The following HIVEP3 variants were observed in gnomAD, a reference collection of about 807,000 sequenced individuals.
HIVEP3 encodes HIVEP zinc finger 3, also known as transcription factor HIVEP3.
HIVEP3 carries 49 observed loss-of-function variants against 152.8 expected under a neutral mutation model. The observed-to-expected ratio is 0.32, with a 90% CI of 0.26 to 0.41. The LOEUF is 0.41. Ranked by LOEUF, HIVEP3 falls within the 10% of genes least tolerant of loss-of-function variation. The probability of loss-of-function intolerance (pLI) is 1.00; values close to 1 mark genes in which losing one functional copy is unlikely to be tolerated. For missense variants in HIVEP3, 2,790 were observed against 3,103.3 expected (o/e 0.90, Z 2.40); for synonymous variants, 1,269 against 1,289.0 (o/e 0.98, Z 0.33).
chr1:41,989,333 C>T (rs1181691617), intron 1 of HIVEP3, among the ~76,000 whole-genome samples: 1 of 151,942 alleles, frequency 6.6e-6, no homozygotes, highest in South Asian at 2.1e-4. Flanking sequence ...TCATACTGTA[C>T]ATCATAAATA....
intron 1 of HIVEP3, among the ~76,000 whole-genome samples, chr1:42,014,487 C>T (rs1467245967): frequency 6.6e-6 from 1 of 152,026 alleles, no homozygotes; most frequent in Non-Finnish European, 1.5e-5. Flanking sequence ...GAAATGATGG[C>T]GGGACAACAG....
chr1:41,879,458 A>C (rs1343576521), intron 1 of HIVEP3, among the ~76,000 whole-genome samples: 1 of 152,204 alleles, frequency 6.6e-6, no homozygotes, highest in African/African-American at 2.4e-5. Flanking sequence ...GTTTTGAATG[A>C]CCTTCTCTTC....
At chr1:41,645,256 T>C (rs1025758010) in intron 2 of HIVEP3, among the ~76,000 whole-genome samples, 3 of 152,054 alleles carry the variant, frequency 2.0e-5, no homozygotes, top group Admixed American at 2.0e-4. Context: ...GCTGCAGGGC[T>C]CCTTCTCTGA....
At chr1:41,751,323 C>T (rs968123515) in intron 1 of HIVEP3, among the ~76,000 whole-genome samples, 2 of 25,460 alleles carry the variant, frequency 7.9e-5, no homozygotes, top group African/African-American at 1.0e-4. Context: ...AACTGACACA[C>T]ATTTTTTTTT....
intron 1 of HIVEP3, among the ~76,000 whole-genome samples, chr1:41,776,278 T>C (rs1220394188): frequency 2.0e-5 from 3 of 152,228 alleles, no homozygotes; most frequent in Non-Finnish European, 2.9e-5. Flanking sequence ...CACATGTCCA[T>C]GAAGAAAAAA....
At chr1:41,907,170 C>G (rs1292958222) in intron 1 of HIVEP3, among the ~76,000 whole-genome samples, 1 of 152,176 alleles carries the variant, frequency 6.6e-6, no homozygotes, top group Admixed American at 6.5e-5. Flanking sequence ...CCAAAAACTA[C>G]TCGGCTTTGG....
rs586055 is a variant in HIVEP3 at position 41,533,405 on chromosome 1, T to C, written c.5208-8495A>G. On this transcript the variant is annotated intron_variant, in intron 5 of 8. Coordinates refer to ENST00000372583, the MANE Select transcript of HIVEP3 (RefSeq NM_024503.5). This position sits in a 1 kb window ranked among gnomAD's most constrained non-coding sequence, Gnocchi z 4.3. ...AGACACAAGCCCAGCTCTCTTCCCA[T>C]CACAAATCAACCAGCCCCAAGCCTC... 0.56 allele frequency among the ~76,000 whole-genome samples: 85,401 copies of C among 151,688 alleles called. 24,652 individuals carry two copies. The highest frequency in any genetic ancestry group is 0.98 in the East Asian group (5,017 of 5,118).
intron 1 of HIVEP3, among the ~76,000 whole-genome samples, chr1:41,911,645 G>A (rs1644797700): frequency 6.6e-6 from 1 of 152,064 alleles, no homozygotes; most frequent in African/African-American, 2.4e-5. Context: ...AATAAGCTAA[G>A]TGTTCATTAA....
intron 3 of HIVEP3, among the ~76,000 whole-genome samples, chr1:41,590,929 C>A (rs1348809534): frequency 1.3e-5 from 2 of 152,142 alleles, no homozygotes; most frequent in Non-Finnish European, 2.9e-5. Flanking sequence ...AACTGATGGT[C>A]CCCTAATCTG....
intron 1 of HIVEP3, among the ~76,000 whole-genome samples, chr1:41,714,361 C>T (rs1227533799): frequency 1.3e-5 from 2 of 152,168 alleles, no homozygotes; most frequent in African/African-American, 2.4e-5. Context: ...TTGAGTGTTT[C>T]CCATGGGTAC....
intron 1 of HIVEP3, among the ~76,000 whole-genome samples, chr1:41,819,325 CTT>C (rs145168782): frequency 6.7e-6 from 1 of 149,208 alleles, no homozygotes; most frequent in African/African-American, 2.5e-5. Flanking sequence ...TTCCATTTGT[CTT>C]TTTTTTTTCT....
At chr1:41,587,637 G>T (rs1446652188) in intron 3 of HIVEP3, among the ~76,000 whole-genome samples, 2 of 152,172 alleles carry the variant, frequency 1.3e-5, no homozygotes, top group Non-Finnish European at 2.9e-5. Flanking sequence ...GGAGACTAAA[G>T]TTACACCGTG....
At chr1:41,612,681 C>T (rs1220747738) in intron 3 of HIVEP3, among the ~76,000 whole-genome samples, 1 of 152,192 alleles carries the variant, frequency 6.6e-6, no homozygotes, top group Non-Finnish European at 1.5e-5. Flanking sequence ...TATTCCTGAG[C>T]TATCCTTTGC....
Position 41,761,166 on chromosome 1 carries a change from G to A in HIVEP3, c.-800-60171C>T, listed in dbSNP as rs1452756582. Among the ~76,000 whole-genome samples, 9 of 152,362 alleles carry A rather than the reference G, an allele frequency of 5.9e-5. No homozygotes were observed. The East Asian group carries it at 7.7e-4, about 13-fold the overall frequency. Reference sequence around the variant, plus strand: ...AGCAGTCCTTGAGCTAGGTGTATGCGCATGCATGTGCATATGTGTATGCAC... The same window carrying A: ...AGCAGTCCTTGAGCTAGGTGTATGCACATGCATGTGCATATGTGTATGCAC... On this transcript the variant is annotated intron_variant, in intron 1 of 8. Coordinates refer to ENST00000372583, the MANE Select transcript of HIVEP3 (RefSeq NM_024503.5).
rs1219041906 is a variant in HIVEP3, at chr1:42,021,315, A to G, written n.119+14492T>C. ...GTGCTCAGATCCAGGCTGTGTTTTG[A>G]AGGTAGAATCAACAAGACTTGCTGA... On this transcript the variant is annotated intron_variant and non_coding_transcript_variant, in intron 1 of 3. Transcript: ENST00000489103. Among the ~76,000 whole-genome samples, 3 of 152,146 alleles carry G rather than the reference A, an allele frequency of 2.0e-5. No individual in the cohort carries two copies. In the East Asian group the frequency reaches 5.8e-4, roughly 29 times the overall value.
intron 1 of HIVEP3, among the ~76,000 whole-genome samples, chr1:41,779,016 T>C (rs1648879487): frequency 6.6e-6 from 1 of 152,206 alleles, no homozygotes; most frequent in African/African-American, 2.4e-5. Context: ...CTGAAGGGCC[T>C]ACTCCATACC....
chr1:41,680,251 G>A (rs1646018400), intron 2 of HIVEP3, among the ~76,000 whole-genome samples: 1 of 152,210 alleles, frequency 6.6e-6, no homozygotes, highest in South Asian at 2.1e-4. Context: ...AGACCCCTGG[G>A]CTCCATCAGT....
chr1:41,585,074 C>T lies in HIVEP3; in HGVS notation c.-277G>A, dbSNP rs535540888. 22 of 401,374 alleles carry T rather than the reference C, an allele frequency of 5.5e-5. No individual in the cohort carries two copies. The highest frequency in any genetic ancestry group is 3.2e-4 in the East Asian group (9 of 28,146). The allele number at this position is 401,374 out of a possible 1,614,324, so 24.9% of individuals were successfully genotyped here. On this transcript the variant is annotated 5_prime_UTR_variant, in exon 4 of 9. Coordinates refer to ENST00000372583, the MANE Select transcript of HIVEP3 (RefSeq NM_024503.5). ...CAGCACTTTCTGCCTGAATGTCTGTCGGGAAAACGTCATGAAGGATGTCAG... is the reference window on the plus strand; with the variant it reads ...CAGCACTTTCTGCCTGAATGTCTGTTGGGAAAACGTCATGAAGGATGTCAG...
intron 2 of HIVEP3, among the ~76,000 whole-genome samples, chr1:41,654,628 A>C (rs1168693957): frequency 6.6e-6 from 1 of 152,222 alleles, no homozygotes; most frequent in African/African-American, 2.4e-5. Flanking sequence ...ATTACTAGTA[A>C]CTATTTCACC....
Sources: gnomAD v4.1 joint callset for allele counts (sites outside exome capture counted in the v4.1 genomes callset) on GRCh38, gnomAD v4.1.1 for gene constraint, Gnocchi (gnomAD v3.1) non-coding constraint, MANE v1.5 for transcripts, NCBI Gene and HGNC (gene_info 2026-07-23, HGNC 2026-07-21) for gene names.